Variants in IMMP2L observed in about 807,000 individuals in gnomAD.
IMMP2L encodes the protein mitochondrial inner membrane protease subunit 2.
A neutral mutation model predicts 19.3 loss-of-function variants in IMMP2L; 18 were observed. The ratio of observed to expected loss-of-function variants is 0.93; its 90% CI spans 0.64 to 1.38. IMMP2L has a LOEUF of 1.38. Ranked by LOEUF, IMMP2L falls within the 40% of genes most tolerant of loss-of-function variation. IMMP2L has a pLI of 0.00. For synonymous variants in IMMP2L, 76 were observed against 73.0 expected, an observed-to-expected ratio of 1.04 and a Z score of -0.21; for missense variants, 233 against 218.2, an observed-to-expected ratio of 1.07 and a Z score of -0.43.
chr7:111,463,644 T>G (rs1393905952), intron 3 of IMMP2L, among the ~76,000 whole-genome samples: 1 of 152,144 alleles, frequency 6.6e-6, no homozygotes, highest in African/African-American at 2.4e-5. Flanking sequence ...CCAGAATGGG[T>G]AATTCCATTC....
chr7:111,108,418 A>T (rs1263814235), intron 3 of IMMP2L, among the ~76,000 whole-genome samples: 2 of 152,180 alleles, frequency 1.3e-5, no homozygotes, highest in African/African-American at 2.4e-5. Flanking sequence ...CACAAATTTT[A>T]AGAAACTAAT....
At chr7:110,955,923 C>A (rs1220693195) in intron 4 of IMMP2L, among the ~76,000 whole-genome samples, 1 of 151,646 alleles carries the variant, frequency 6.6e-6, no homozygotes, top group Non-Finnish European at 1.5e-5. Context: ...GCTACTGCAC[C>A]AATCATTAAA....
At chr7:110,935,781 C>G (rs1427646872) in intron 4 of IMMP2L, among the ~76,000 whole-genome samples, 1 of 152,172 alleles carries the variant, frequency 6.6e-6, no homozygotes, top group African/African-American at 2.4e-5. Flanking sequence ...AAGCATCATG[C>G]TACCTGAGTT....
At chr7:110,788,997 T>C (rs921294829) in intron 5 of IMMP2L, among the ~76,000 whole-genome samples, 2 of 151,818 alleles carry the variant, frequency 1.3e-5, no homozygotes, top group Non-Finnish European at 2.9e-5. Context: ...ACTTAGCTGC[T>C]GTGCTGTGTG....
intron 3 of IMMP2L, among the ~76,000 whole-genome samples, chr7:111,043,998 G>A (rs1401737329): frequency 6.6e-6 from 1 of 152,082 alleles, no homozygotes; most frequent in East Asian, 1.9e-4. Context: ...TAAAAACACT[G>A]AGGCATTCAC....
intron 3 of IMMP2L, among the ~76,000 whole-genome samples, chr7:110,992,825 T>C (rs1167085060): frequency 6.6e-6 from 1 of 152,130 alleles, no homozygotes; most frequent in Non-Finnish European, 1.5e-5. Context: ...AATTGCCAGC[T>C]TCATGGCAAA....
intron 5 of IMMP2L, among the ~76,000 whole-genome samples, chr7:110,669,418 A>C (rs1380736906): frequency 6.6e-6 from 1 of 152,188 alleles, no homozygotes; most frequent in African/African-American, 2.4e-5. Context: ...AATCTGCTTT[A>C]CTGAAAGTCG....
At chr7:111,021,370 G>T (rs1482872999) in intron 3 of IMMP2L, among the ~76,000 whole-genome samples, 1 of 152,172 alleles carries the variant, frequency 6.6e-6, no homozygotes, top group Non-Finnish European at 1.5e-5. Flanking sequence ...AACATTCTTT[G>T]TAATTTGATT....
intron 5 of IMMP2L, among the ~76,000 whole-genome samples, chr7:110,796,927 G>A (rs1168505575): frequency 2.0e-5 from 3 of 151,918 alleles, no homozygotes; most frequent in Admixed American, 2.0e-4. Context: ...TGCTTATTGC[G>A]ACCTCAGCAA....
intron 5 of IMMP2L, among the ~76,000 whole-genome samples, chr7:110,831,538 C>A (rs995150762): frequency 6.6e-6 from 1 of 152,052 alleles, no homozygotes; most frequent in South Asian, 2.1e-4. Context: ...GTTATAGCCC[C>A]TAAAATATGC....
chr7:110,771,311 T>C (rs1204941009), intron 5 of IMMP2L, among the ~76,000 whole-genome samples: 1 of 152,126 alleles, frequency 6.6e-6, no homozygotes, highest in Admixed American at 6.6e-5. Context: ...GCCCAGGGCC[T>C]TCTTGCTACA....
chr7:110,794,118 T>C (rs1413901578), intron 5 of IMMP2L, among the ~76,000 whole-genome samples: 1 of 152,122 alleles, frequency 6.6e-6, no homozygotes, highest in East Asian at 1.9e-4. Context: ...AACATACTCT[T>C]GCTATATGAT....
At chr7:110,776,625 G>A (rs989505944) in intron 5 of IMMP2L, among the ~76,000 whole-genome samples, 4 of 151,928 alleles carry the variant, frequency 2.6e-5, no homozygotes, top group Non-Finnish European at 5.9e-5. Context: ...TTGACTAACT[G>A]CACTTGCATA....
At chr7:110,748,249 G>A (rs1797489469) in intron 5 of IMMP2L, among the ~76,000 whole-genome samples, 1 of 152,082 alleles carries the variant, frequency 6.6e-6, no homozygotes, top group African/African-American at 2.4e-5. Context: ...AATAAGAGAG[G>A]ACACAAACAA....
At chr7:111,120,912 C>G (rs1481417705) in intron 3 of IMMP2L, among the ~76,000 whole-genome samples, 5 of 151,462 alleles carry the variant, frequency 3.3e-5, no homozygotes, top group African/African-American at 1.2e-4. Context: ...CATTTATTGG[C>G]CTTTTATGTT....
intron 3 of IMMP2L, among the ~76,000 whole-genome samples, chr7:111,272,722 T>A (rs1428711288): frequency 6.6e-6 from 1 of 152,114 alleles, no homozygotes; most frequent in Non-Finnish European, 1.5e-5. Context: ...CCACAGGACA[T>A]CCCCAACCTT....
At chr7:111,118,887 A>G (rs1407073937) in intron 3 of IMMP2L, among the ~76,000 whole-genome samples, 1 of 152,194 alleles carries the variant, frequency 6.6e-6, no homozygotes, top group Non-Finnish European at 1.5e-5. Flanking sequence ...TCTCATTTGC[A>G]AAAGCTTTCA....
At chr7:111,506,623 C>T (rs749285249) in intron 2 of IMMP2L, among the ~76,000 whole-genome samples, 2 of 152,134 alleles carry the variant, frequency 1.3e-5, no homozygotes, top group Non-Finnish European at 2.9e-5. Context: ...TCTCAATCTC[C>T]TAACCTCGTG....
intron 4 of IMMP2L, among the ~76,000 whole-genome samples, chr7:110,961,678 G>A (rs374668737): frequency 6.6e-6 from 1 of 151,742 alleles, no homozygotes; most frequent in Admixed American, 6.6e-5. Context: ...GCATCAAGTT[G>A]TGAATGGATA....
Sources: allele counts gnomAD v4.1 joint callset (sites outside exome capture counted in the v4.1 genomes callset), GRCh38; gene constraint gnomAD v4.1.1; transcripts MANE v1.5; gene names NCBI Gene and HGNC (gene_info 2026-07-23, HGNC 2026-07-21).